SEL1L3: variants seen among roughly 807,000 people sequenced by gnomAD.
The protein encoded by SEL1L3 is SEL1L family member 3.
Under a neutral mutation model 142.8 loss-of-function variants are expected in SEL1L3, and 76 were observed. The ratio of observed to expected loss-of-function variants is 0.53; its 90% confidence interval spans 0.44 to 0.64. SEL1L3 has a LOEUF of 0.64. SEL1L3 is among the 30% of genes least tolerant of loss of function. SEL1L3 has a pLI of 0.00. For missense variants in SEL1L3, 1,262 were observed against 1,381.7 expected (o/e 0.91, Z 1.37); for synonymous variants, 504 against 519.6 (o/e 0.97, Z 0.41).
At chr4:25,772,288 G>C (rs1719280190) in intron 17 of SEL1L3, among the ~76,000 whole-genome samples, 1 of 152,120 alleles carries the variant, frequency 6.6e-6, no homozygotes, top group South Asian at 2.1e-4. Flanking sequence ...ATACTAAGAG[G>C]TTTCAAATCC....
In SEL1L3 at chr4:25,788,839, A is replaced by G. The variant is rs1484828922; in HGVS notation, c.2077-475T>C. Among the ~76,000 whole-genome samples, 1 of 152,158 alleles carries G rather than the reference A, an allele frequency of 6.6e-6. No individual in the cohort carries two copies. The highest frequency in any genetic ancestry group is 6.5e-5 in the Admixed American group (1 of 15,282). On this transcript the variant is annotated intron_variant, in intron 12 of 23. Coordinates refer to ENST00000399878, the MANE Select transcript of SEL1L3 (RefSeq NM_015187.5). This position sits in a 1 kb window ranked among gnomAD's most constrained non-coding sequence, Gnocchi z 5.3. ...CTCCAACATCAGACTGGAGGCTGGA[A>G]GCTCTTGGGAGGGAGGAACCTCAAG...
At chr4:25,840,858 C>T (rs1716122681) in intron 2 of SEL1L3, among the ~76,000 whole-genome samples, 1 of 152,152 alleles carries the variant, frequency 6.6e-6, no homozygotes, top group South Asian at 2.1e-4. Flanking sequence ...CAGCCACCCC[C>T]AAGCAACACA....
chr4:25,779,299 G>A lies in SEL1L3; in HGVS notation c.2458-96C>T, dbSNP rs144838333. The A allele has an allele frequency of 9.0e-5, 122 of 1,355,726 alleles. No homozygotes were observed. In the African/African-American group the frequency reaches 1.5e-3, roughly 16 times the overall value. 84.0% of individuals were successfully genotyped at this position (1,355,726 alleles called of 1,614,324 possible). A position where few individuals can be genotyped will look rare whatever the true frequency, so the allele number is the denominator to read the frequency against. ...ATGCTTTAAGCCTGATATGATTACA[G>A]GCTTATAACTTCTGATAGCTTTAAA... On this transcript the variant is annotated intron_variant, in intron 15 of 23. Transcript: ENST00000399878.
chr4:25,817,850 A>G (rs1368226357), intron 9 of SEL1L3, among the ~76,000 whole-genome samples: 1 of 152,166 alleles, frequency 6.6e-6, no homozygotes, highest in Non-Finnish European at 1.5e-5. Flanking sequence ...AATCAACTGC[A>G]TCTGGGGCTG....
At chr4:25,778,971 C>T in intron 16 of SEL1L3, 105 bp downstream of exon 16, 1 of 912,200 alleles carries the variant, frequency 1.1e-6, no homozygotes, top group Non-Finnish European at 1.6e-6. Context: ...AAACTACATG[C>T]ATGTACAACT....
intron 1 of SEL1L3, among the ~76,000 whole-genome samples, chr4:25,851,506 A>G (rs1203002732): frequency 1.3e-5 from 2 of 152,144 alleles, no homozygotes; most frequent in African/African-American, 4.8e-5. Context: ...AGAATAAGAG[A>G]GAAAGATGCA....
the SEL1L3 span, among the ~76,000 whole-genome samples, chr4:25,725,702 T>C: frequency 6.6e-6 from 1 of 152,322 alleles, no homozygotes; most frequent in African/African-American, 2.4e-5. Flanking sequence ...GGGCTTGGAA[T>C]TCCTGAAACT....
At position 25,847,482 on chromosome 4, in the gene SEL1L3, C is replaced by T; in HGVS notation, c.545G>A (p.Ser182Asn). The T allele has an allele frequency of 6.2e-7, 1 of 1,614,036 alleles. No individual in the cohort carries two copies. The highest frequency in any genetic ancestry group is 8.5e-7 in the Non-Finnish European group (1 of 1,179,906). Residue 182 changes from serine (S) to asparagine (N), a missense_variant, in exon 2 of 24, where the codon AGT (serine) becomes AAT (asparagine). Transcript: ENST00000399878. The stretch of plus-strand genomic sequence containing the variant: ...CCATTTAACATTCCAGTCTCTGCCA[C>T]TGTATTTGTGAGTAATCCAGGCGCG... The part of the protein sequence containing the change: ...IVRAWITHKY[S>N]GRDWNVKWEE...
At chr4:25,827,852 C>T (rs961996430) in intron 6 of SEL1L3, among the ~76,000 whole-genome samples, 8 of 152,212 alleles carry the variant, frequency 5.3e-5, no homozygotes, top group African/African-American at 1.9e-4. Flanking sequence ...AGAGAGGAAG[C>T]TCTTATTTTA....
intron 5 of SEL1L3, among the ~76,000 whole-genome samples, chr4:25,831,797 G>A (rs964727560): frequency 6.6e-5 from 10 of 152,084 alleles, no homozygotes; most frequent in East Asian, 1.9e-4. Context: ...GGGATTACAG[G>A]CATGAGCCAC....
At position 25,779,181 on chromosome 4, in the gene SEL1L3, T is replaced by C. The variant is rs201874631; in HGVS notation, c.2480A>G (p.His827Arg). The change falls in exon 16 of 24, where the codon CAT becomes CGT. Residue 827 changes from histidine (H) to arginine (R), a missense_variant. Physicochemically the swap from His to Arg is conservative, Grantham distance 29. Transcript: ENST00000399878. ...CATGTGTCCACCTTGCGCAGCCTTATGGAAATATTCACCAGCTAAAGTCTG... is the reference window on the plus strand; with the variant it reads ...CATGTGTCCACCTTGCGCAGCCTTACGGAAATATTCACCAGCTAAAGTCTG... ...RNQTLAGEYF[H>R]KAAQGGHMEG... is the part of the protein sequence containing the mutation. The C allele has an allele frequency of 4.5e-4, 724 of 1,613,434 alleles. No homozygotes were observed. Among genetic ancestry groups the C allele is most frequent in the Middle Eastern group, 1.3e-3 (8 of 6,078 alleles).
At chr4:25,730,590 C>T in the SEL1L3 span, among the ~76,000 whole-genome samples, 1 of 152,048 alleles carries the variant, frequency 6.6e-6, no homozygotes, top group Non-Finnish European at 1.5e-5. Flanking sequence ...CTTTATACTA[C>T]CTAGTCGTTG....
chr4:25,811,569 A>G (rs1455913822), intron 9 of SEL1L3, among the ~76,000 whole-genome samples: 1 of 152,184 alleles, frequency 6.6e-6, no homozygotes, highest in Non-Finnish European at 1.5e-5. Context: ...TGATTCATTT[A>G]CCCAACAAAG....
At chr4:25,772,394 A>C (rs1371318891) in intron 17 of SEL1L3, among the ~76,000 whole-genome samples, 1 of 152,238 alleles carries the variant, frequency 6.6e-6, no homozygotes, top group East Asian at 1.9e-4. Flanking sequence ...CAAGAGAGTA[A>C]ATTGGTGAAA....
chr4:25,799,615 T>C (rs1474677742), intron 11 of SEL1L3, among the ~76,000 whole-genome samples: 2 of 151,896 alleles, frequency 1.3e-5, no homozygotes, highest in Admixed American at 1.3e-4. Context: ...GGGGTGCACG[T>C]GGGGAGGAGA....
At chr4:25,805,116 T>C (rs771628258) in intron 9 of SEL1L3, among the ~76,000 whole-genome samples, 2 of 152,180 alleles carry the variant, frequency 1.3e-5, no homozygotes, top group African/African-American at 2.4e-5. Context: ...TAAAGAAGAA[T>C]GTGTTTTATC....
chr4:25,807,649 C>T (rs938197398), intron 9 of SEL1L3, among the ~76,000 whole-genome samples: 2 of 152,064 alleles, frequency 1.3e-5, no homozygotes, highest in East Asian at 3.8e-4. Flanking sequence ...CCAGAGTACC[C>T]GTGGACCCGA....
intron 5 of SEL1L3, 85 bp downstream of exon 5, chr4:25,832,910 T>C: frequency 2.4e-6 from 2 of 826,110 alleles, no homozygotes; most frequent in Non-Finnish European, 4.0e-6. Context: ...CTTTTGCAGA[T>C]TTTGTTGCTC....
At chr4:25,811,279 T>G (rs1197987946) in intron 9 of SEL1L3, among the ~76,000 whole-genome samples, 1 of 152,160 alleles carries the variant, frequency 6.6e-6, no homozygotes, top group Non-Finnish European at 1.5e-5. Context: ...TGCACAGACC[T>G]GAGCAGGATT....
Sources: allele counts gnomAD v4.1 joint callset (sites outside exome capture counted in the v4.1 genomes callset), GRCh38; gene constraint gnomAD v4.1.1; non-coding constraint Gnocchi (gnomAD v3.1); transcripts MANE v1.5; gene names NCBI Gene and HGNC (gene_info 2026-07-23, HGNC 2026-07-21).